DHX30: variants seen among roughly 807,000 people sequenced by gnomAD.
The protein encoded by DHX30 is DExH-box helicase 30.
DHX30 carries 4 observed loss-of-function variants against 116.9 expected under a neutral mutation model. The observed-to-expected ratio is 0.03, with a 90% CI of 0.02 to 0.08. The LOEUF is 0.08. Ranked by LOEUF, DHX30 falls within the 10% of genes least tolerant of loss-of-function variation. The probability of loss-of-function intolerance (pLI) is 1.00; values close to 1 mark genes in which losing one functional copy is unlikely to be tolerated. For missense variants in DHX30, 871 were observed against 1,595.1 expected, an observed-to-expected ratio of 0.55 and a Z score of 7.73; for synonymous variants, 697 against 651.7, an observed-to-expected ratio of 1.07 and a Z score of -1.06.
chr3:47,828,443 G>T (rs1250102735), intron 5 of DHX30, among the ~76,000 whole-genome samples: 3 of 144,568 alleles, frequency 2.1e-5, no homozygotes, highest in African/African-American at 7.8e-5. Context: ...CTGGGCAACA[G>T]CGTGAGATCC....
chr3:47,844,627 C>T (rs1259063128), intron 9 of DHX30, among the ~76,000 whole-genome samples: 1 of 152,176 alleles, frequency 6.6e-6, no homozygotes, highest in Non-Finnish European at 1.5e-5. Flanking sequence ...GGGGTTGGCC[C>T]CTGTTGGGGG....
intron 4 of DHX30, among the ~76,000 whole-genome samples, chr3:47,825,756 G>A (rs538189073): frequency 1.3e-5 from 2 of 152,234 alleles, no homozygotes; most frequent in African/African-American, 4.8e-5. Context: ...CTGAAGGTGG[G>A]GGCGGGGTGG....
intron 4 of DHX30, chr3:47,824,998 C>T (rs1029254923): frequency 7.1e-6 from 4 of 562,106 alleles, no homozygotes; most frequent in Non-Finnish European, 1.2e-5. Context: ...TCTCTTCGCC[C>T]GGTCCCTGCC....
rs376069086 is a variant in DHX30, at chr3:47,822,509, G to A, written c.124+4392G>A. On this transcript the variant is annotated intron_variant, in intron 4 of 21. Coordinates refer to ENST00000445061, the MANE Select transcript of DHX30 (RefSeq NM_138615.3). ...CCAAGTGAAAGGGGTTTTCCCAGCC[G>A]GGTGTGTTAACTCATGCCTGTAATC... Among the ~76,000 whole-genome samples the A allele has an allele frequency of 7.9e-5, 12 of 152,244 alleles. No homozygotes were observed. The East Asian group carries it at 1.5e-3, about 20-fold the overall frequency.
rs966619799 is a variant in DHX30, at chr3:47,805,425, G to A, written c.-28+5G>A. 7.8e-5 allele frequency: 31 copies of A among 399,082 alleles called. No homozygotes were observed. The highest frequency in any genetic ancestry group is 1.3e-4 in the South Asian group (1 of 7,856). The allele number at this position is 399,082 out of a possible 1,614,324, so 24.7% of individuals were successfully genotyped here. On this transcript the variant is annotated splice_donor_5th_base_variant and intron_variant, in intron 2 of 21. Transcript: ENST00000445061. ...GACTGTCATTGCTTTTATAAGGTAA[G>A]TTGATTTAGCCGTGCACAGAGCAGT...
intron 8 of DHX30, 117 bp downstream of exon 8, chr3:47,841,854 G>T: frequency 2.1e-6 from 3 of 1,423,322 alleles, no homozygotes; most frequent in Non-Finnish European, 2.9e-6. Flanking sequence ...CCAAACCTAG[G>T]CCAGGTGGAG....
rs767883937 is a variant in DHX30 at position 47,850,033 on chromosome 3, G to A, written c.3498G>A (p.Glu1166=). Residue 1166 remains glutamate, a synonymous_variant, in exon 22 of 22, where the codon GAG becomes GAA. Coordinates refer to ENST00000445061, the MANE Select transcript of DHX30 (RefSeq NM_138615.3). ...CTGCACTTCCCCCCAGCGTACAGGA[G>A]GAGCACGGGCAGCTGCTTGCGCTAC... is the stretch of plus-strand genomic sequence containing the variant. ...ELAALPPSVQ[E]EHGQLLALLA... 4.4e-6 allele frequency: 7 copies of A among 1,607,522 alleles called. No homozygotes were observed. The highest frequency in any genetic ancestry group is 1.1e-5 in the South Asian group (1 of 90,458).
intron 6 of DHX30, among the ~76,000 whole-genome samples, chr3:47,833,703 C>G (rs960116817): frequency 6.6e-6 from 1 of 151,278 alleles, no homozygotes; most frequent in Non-Finnish European, 1.5e-5. Context: ...ACTAGAAATA[C>G]AAAAATTAGC....
rs147047248 is a variant in DHX30 at position 47,843,228 on chromosome 3, G to T, written c.912G>T (p.Ala304=). The T allele has an allele frequency of 2.5e-6, 4 of 1,614,268 alleles. No homozygotes were observed. Among genetic ancestry groups the T allele is most frequent in the Non-Finnish European group, 3.4e-6 (4 of 1,180,046 alleles). The stretch of plus-strand genomic sequence containing the variant: ...GCAAAGCAGAGGCTGAGAATAAGGC[G>T]GCAGCCTTGGCCTGCAAGAAACTGA... ...GRRKAEAENK[A]AALACKKLKS... The change falls in exon 9 of 22, where the codon GCG becomes GCT. Residue 304 remains alanine (A), a synonymous_variant. Transcript: ENST00000445061.
chr3:47,826,416 T>C (rs1164440187), intron 4 of DHX30, among the ~76,000 whole-genome samples: 2 of 151,954 alleles, frequency 1.3e-5, no homozygotes, highest in Non-Finnish European at 2.9e-5. Context: ...GAGTAATTCA[T>C]GCCTGCTCAG....
At position 47,849,499 on chromosome 3, in the gene DHX30, G is replaced by A. The variant is rs147305927; in HGVS notation, c.3136G>A (p.Val1046Ile). 2.4e-5 allele frequency: 39 copies of A among 1,592,070 alleles called. No homozygotes were observed. Among genetic ancestry groups the A allele is most frequent in the Non-Finnish European group, 2.8e-5 (33 of 1,164,970 alleles). The change falls in exon 20 of 22, where the codon GTC (valine) becomes ATC (isoleucine). Residue 1046 changes from valine to isoleucine, a missense_variant. Coordinates refer to ENST00000445061, the MANE Select transcript of DHX30 (RefSeq NM_138615.3). ...GCAGGGGAAGTTCAAGCCCAACAGC[G>A]TCACATATAGGACCAAATCAGGCAA... ...TRQGKFKPNS[V>I]TYRTKSGNIL...
intron 6 of DHX30, among the ~76,000 whole-genome samples, chr3:47,831,463 G>A (rs2036844982): frequency 6.6e-6 from 1 of 152,112 alleles, no homozygotes. Context: ...GACTGTAACA[G>A]TGCCCTTTTC....
intron 2 of DHX30, among the ~76,000 whole-genome samples, chr3:47,807,941 G>C (rs903913450): frequency 6.6e-6 from 1 of 150,776 alleles, no homozygotes. Context: ...ACAGAGTTTC[G>C]CTCTTGTTGC....
chr3:47,818,990 C>G (rs1405825914), intron 4 of DHX30, among the ~76,000 whole-genome samples: 3 of 152,146 alleles, frequency 2.0e-5, no homozygotes, highest in African/African-American at 7.2e-5. Flanking sequence ...GTCAAGAGCT[C>G]AGGAGGAGTG....
chr3:47,829,169 C>A (rs749080250), intron 6 of DHX30, 35 bp downstream of exon 6: 25 of 1,225,434 alleles, frequency 2.0e-5, no homozygotes, highest in Non-Finnish European at 2.8e-5. Flanking sequence ...CTGAGACCTT[C>A]CTCCTGGAAA....
chr3:47,847,990 G>A lies in DHX30; in HGVS notation c.2286+34G>A. ...TACCTCCTGGGCCCGGCCAACCACT[G>A]GGGGAGGGACTCCGTTTTGAGGTGG... On this transcript the variant is annotated intron_variant, in intron 14 of 21. Transcript: ENST00000445061. This position sits in a 1 kb window ranked among gnomAD's most constrained non-coding sequence, Gnocchi z 5.5. The A allele has an allele frequency of 6.2e-7, 1 of 1,609,570 alleles. No individual in the cohort carries two copies. The highest frequency in any genetic ancestry group is 1.3e-5 in the African/African-American group (1 of 74,998).
At chr3:47,839,280 CTTTTTTTTT>C in intron 6 of DHX30, among the ~76,000 whole-genome samples, 1 of 129,808 alleles carries the variant, frequency 7.7e-6, no homozygotes, top group South Asian at 2.5e-4. Context: ...CTTATATTCT[CTTTTTTTTT>C]TTTTTTTTTT....
intron 4 of DHX30, among the ~76,000 whole-genome samples, chr3:47,826,507 G>A (rs999138200): frequency 6.7e-6 from 1 of 149,874 alleles, no homozygotes; most frequent in Non-Finnish European, 1.5e-5. Context: ...TTGCAGTGGC[G>A]CGATCTTGCC....
chr3:47,842,925 G>A (rs1175727783), intron 8 of DHX30, among the ~76,000 whole-genome samples, 181 bp from the exon 9 acceptor site: 1 of 152,234 alleles, frequency 6.6e-6, no homozygotes, highest in East Asian at 1.9e-4. Context: ...CCTGGGACTA[G>A]GGTGCCTGAG....
Sources: gnomAD v4.1 joint callset for allele counts (sites outside exome capture counted in the v4.1 genomes callset) on GRCh38, gnomAD v4.1.1 for gene constraint, Gnocchi (gnomAD v3.1) non-coding constraint, MANE v1.5 for transcripts, NCBI Gene and HGNC (gene_info 2026-07-23, HGNC 2026-07-21) for gene names.